Variants in MID1 observed in about 807,000 individuals in gnomAD.
The protein encoded by MID1 is midline 1.
In MID1, 7 loss-of-function variants were observed where a neutral mutation model predicts 40.4. The ratio of observed to expected loss-of-function variants is 0.17; its 90% confidence interval spans 0.10 to 0.33. The LOEUF (loss-of-function observed/expected upper bound fraction) is 0.33. Among genes scored for constraint, MID1 ranks in the 10% least tolerant of loss-of-function variants. The pLI, the probability that MID1 is intolerant of heterozygous loss-of-function variation, is 1.00. For missense variants in MID1, 367 were observed against 558.5 expected (o/e 0.66, Z 3.46); for synonymous variants, 229 against 221.2 (o/e 1.04, Z -0.31).
intron 1 of MID1, among the ~76,000 whole-genome samples, chrX:10,755,592 C>T (rs1569162681): frequency 8.9e-6 from 1 of 112,059 alleles, no homozygotes; most frequent in Non-Finnish European, 1.9e-5. Context: ...CCCCCCAAGC[C>T]AGGGGTCGTT....
chrX:10,589,874 C>G (rs986771143), intron 1 of MID1: 1 of 108,991 alleles, frequency 9.2e-6, no homozygotes, highest in African/African-American at 3.3e-5. Context: ...AAGCCGCAGA[C>G]AAAACTCCTC....
chrX:10,507,619 G>A (rs1207696203), intron 3 of MID1, among the ~76,000 whole-genome samples: 1 of 112,271 alleles, frequency 8.9e-6, no homozygotes, highest in Non-Finnish European at 1.9e-5. Flanking sequence ...TGTCTGCATG[G>A]GCACCCACTC....
intron 1 of MID1, among the ~76,000 whole-genome samples, chrX:10,650,552 C>G (rs1936306375): frequency 8.9e-6 from 1 of 111,930 alleles, no homozygotes; most frequent in African/African-American, 3.3e-5. Context: ...TTGTCACAAA[C>G]CATTGTCTGC....
At chrX:10,785,989 C>CAGAA (rs1418185744) in intron 1 of MID1, among the ~76,000 whole-genome samples, 1 of 111,524 alleles carries the variant, frequency 9.0e-6, no homozygotes, top group African/African-American at 3.3e-5. Context: ...AACTCAAGAG[C>CAGAA]TTCTGCACAG....
intron 9 of MID1, among the ~76,000 whole-genome samples, 184 bp downstream of exon 9, chrX:10,454,686 G>A (rs1185501399): frequency 8.9e-6 from 1 of 111,792 alleles, no homozygotes; most frequent in Non-Finnish European, 1.9e-5. Flanking sequence ...GTAATATATG[G>A]TTGTTGTTTG....
intron 1 of MID1, among the ~76,000 whole-genome samples, chrX:10,718,823 G>C (rs1220159591): frequency 2.7e-5 from 3 of 111,763 alleles, no homozygotes; most frequent in Non-Finnish European, 5.6e-5. Context: ...ACCGAATCCA[G>C]CAGCACATCA....
intron 9 of MID1, among the ~76,000 whole-genome samples, chrX:10,453,092 G>A (rs925966657): frequency 6.3e-5 from 7 of 111,742 alleles, no homozygotes; most frequent in African/African-American, 2.3e-4. Context: ...CCAGAGCCTA[G>A]TGGGGTGAAG....
At chrX:10,765,932 G>T (rs865974497) in intron 1 of MID1, among the ~76,000 whole-genome samples, 2 of 70,851 alleles carry the variant, frequency 2.8e-5, no homozygotes, top group African/African-American at 1.3e-4. Flanking sequence ...AGAAAGGAAA[G>T]GAAAGGAAAG....
rs150908811 is a variant in MID1, at chrX:10,744,098, C to A, written c.-187+89456G>T. Among the ~76,000 whole-genome samples the A allele has an allele frequency of 6.1e-3, 680 of 111,537 alleles. 7 individuals are homozygous for A. The highest frequency in any genetic ancestry group is 0.021 in the African/African-American group (655 of 30,627). On this transcript the variant is annotated intron_variant, in intron 1 of 10. Transcript: ENST00000380785. The stretch of plus-strand genomic sequence containing the variant: ...ACATGCAACTGAACACAGGCTGCCC[C>A]TTAATAATGGCCAGAGGGGGTGTGA...
At chrX:10,648,268 C>T (rs1602495011) in intron 1 of MID1, among the ~76,000 whole-genome samples, 1 of 111,875 alleles carries the variant, frequency 8.9e-6, no homozygotes, top group East Asian at 2.8e-4. Flanking sequence ...TTGATGACAT[C>T]ATTATGCCAA....
intron 1 of MID1, among the ~76,000 whole-genome samples, chrX:10,796,375 A>C (rs1313850586): frequency 2.0e-5 from 2 of 100,230 alleles, no homozygotes; most frequent in Admixed American, 2.1e-4. Context: ...GAATGGCATA[A>C]TTTTTTTAAG....
In MID1 at chrX:10,581,865, C is replaced by T. The variant is rs769209981; in HGVS notation, c.-56-14262G>A. Among the ~76,000 whole-genome samples the T allele has an allele frequency of 6.3e-5, 7 of 111,559 alleles. No individual in the cohort carries two copies. In the East Asian group the frequency reaches 2.0e-3, roughly 31 times the overall value. ...GAACTTGGGGCTTCACTTCCGCTTC[C>T]CAGTGAAGGTCACCCTGTCCCATAT... On this transcript the variant is annotated intron_variant, in intron 1 of 9. Transcript: ENST00000317552.
In MID1 at chrX:10,643,107, G is replaced by A. The variant is rs575507494; in HGVS notation, c.-186-22688C>T. On this transcript the variant is annotated intron_variant, in intron 1 of 10. Coordinates refer to the MID1 transcript ENST00000380785. ...ACCATTCAGAACGTAGGCATGGGCAGGGACTTCATGTCTAAAACACCAAAA... is the reference window on the plus strand; with the variant it reads ...ACCATTCAGAACGTAGGCATGGGCAAGGACTTCATGTCTAAAACACCAAAA... Among the ~76,000 whole-genome samples, 8 of 111,466 alleles carry A rather than the reference G, an allele frequency of 7.2e-5. No individual in the cohort carries two copies. In the East Asian group the frequency reaches 1.7e-3, roughly 24 times the overall value.
intron 1 of MID1, among the ~76,000 whole-genome samples, chrX:10,601,615 T>C (rs925585801): frequency 4.5e-5 from 5 of 111,651 alleles, no homozygotes; most frequent in Admixed American, 9.5e-5. Context: ...ATAAGAACCG[T>C]ACAAATAGCT....
At chrX:10,733,271 C>A (rs1417999897) in intron 1 of MID1, among the ~76,000 whole-genome samples, 1 of 111,313 alleles carries the variant, frequency 9.0e-6, no homozygotes, top group African/African-American at 3.3e-5. Context: ...AAAAAATGAA[C>A]CCTCACCTCT....
At chrX:10,754,277 T>C (rs896334951) in intron 1 of MID1, among the ~76,000 whole-genome samples, 1 of 110,811 alleles carries the variant, frequency 9.0e-6, no homozygotes, top group African/African-American at 3.4e-5. Context: ...AATTGTCTTA[T>C]TAGAAAAGAA....
At chrX:10,804,001 T>C (rs1429898204) in intron 1 of MID1, among the ~76,000 whole-genome samples, 2 of 111,767 alleles carry the variant, frequency 1.8e-5, no homozygotes, top group Non-Finnish European at 3.8e-5. Flanking sequence ...GAAGTTTCTA[T>C]TGGCATGTCT....
chrX:10,825,762 G>A (rs932380001), intron 1 of MID1, among the ~76,000 whole-genome samples: 2 of 111,332 alleles, frequency 1.8e-5, no homozygotes, highest in African/African-American at 6.5e-5. Context: ...CTTCACTTAG[G>A]TAAACTTACA....
intron 1 of MID1, among the ~76,000 whole-genome samples, chrX:10,640,859 A>G (rs1332789902): frequency 8.9e-6 from 1 of 111,823 alleles, no homozygotes; most frequent in African/African-American, 3.3e-5. Flanking sequence ...GGATTAAGAA[A>G]CTCACTCAAA....
Sources: gnomAD v4.1 joint callset for allele counts (sites outside exome capture counted in the v4.1 genomes callset) on GRCh38, gnomAD v4.1.1 for gene constraint, MANE v1.5 for transcripts, NCBI Gene and HGNC (gene_info 2026-07-23, HGNC 2026-07-21) for gene names.